TLL1: variants seen among roughly 807,000 people sequenced by gnomAD.
TLL1 encodes tolloid like 1, also known as tolloid-like protein 1.
TLL1 carries 49 observed loss-of-function variants against 128.2 expected under a neutral mutation model. That is an observed-to-expected ratio of 0.38 (90% CI 0.30 to 0.48). TLL1 has a LOEUF of 0.48. Among genes scored for constraint, TLL1 ranks in the 20% least tolerant of loss-of-function variants. The pLI is 0.96. For synonymous variants in TLL1, 454 were observed against 418.8 expected (o/e 1.08, Z -1.03); for missense variants, 1,123 against 1,242.0 (o/e 0.90, Z 1.44).
Position 165,992,843 on chromosome 4 carries a change from C to T in TLL1, c.320C>T (p.Ala107Val), listed in dbSNP as rs776299665. 3 of 1,613,296 alleles carry T rather than the reference C, an allele frequency of 1.9e-6. No homozygotes were observed. The Admixed American group carries it at 5.0e-5, about 27-fold the overall frequency. ...GDHAMSKKRG[A>V]LYQLIDRIRR... ...CATGCTATGTCAAAGAAGCGAGGGG[C>T]CCTCTACCAACTTATAGACAGGATA... The change falls in exon 3 of 21, where the codon GCC (alanine) becomes GTC (valine). Residue 107 changes from alanine to valine, a missense_variant. Coordinates refer to ENST00000061240, the MANE Select transcript of TLL1 (RefSeq NM_012464.5).
intron 14 of TLL1, among the ~76,000 whole-genome samples, chr4:166,059,164 G>T (rs1579687851): frequency 6.6e-6 from 1 of 151,786 alleles, no homozygotes; most frequent in African/African-American, 2.4e-5. Context: ...ACTACAGGTA[G>T]TGTTTGTATA....
At chr4:165,932,194 C>G (rs535469413) in intron 1 of TLL1, among the ~76,000 whole-genome samples, 1 of 152,126 alleles carries the variant, frequency 6.6e-6, no homozygotes. Flanking sequence ...TCCACACTTA[C>G]GAGATTCACC....
chr4:166,075,422 C>G (rs569860263), intron 17 of TLL1, among the ~76,000 whole-genome samples: 1 of 152,004 alleles, frequency 6.6e-6, no homozygotes, highest in Non-Finnish European at 1.5e-5. Context: ...CTTTAAATAC[C>G]AGGAGCATCA....
At chr4:166,037,404 T>A (rs1167784701) in intron 9 of TLL1, among the ~76,000 whole-genome samples, 2 of 152,142 alleles carry the variant, frequency 1.3e-5, no homozygotes, top group East Asian at 3.9e-4. Context: ...ATTTTGAAAA[T>A]TTTTGTAAAC....
chr4:166,018,692 CAT>C (rs1401004376), intron 8 of TLL1, among the ~76,000 whole-genome samples: 1 of 152,016 alleles, frequency 6.6e-6, no homozygotes, highest in East Asian at 1.9e-4. Flanking sequence ...AGCCAACAAA[CAT>C]ATGAAAAAAT....
intron 1 of TLL1, among the ~76,000 whole-genome samples, chr4:165,896,528 A>G (rs528116034): frequency 1.6e-4 from 22 of 138,874 alleles, no homozygotes; most frequent in Admixed American, 5.6e-4. Flanking sequence ...TGTCACCCAG[A>G]CTGGAGTGCA....
chr4:166,081,668 G>A (rs999509293), intron 18 of TLL1, among the ~76,000 whole-genome samples: 1 of 151,814 alleles, frequency 6.6e-6, no homozygotes, highest in African/African-American at 2.4e-5. Flanking sequence ...ATCTTTCCTT[G>A]GAAGGACCTG....
rs1560872853 is a variant in TLL1 at position 166,100,885 on chromosome 4, CCT to C, written c.*12_*13del. The C allele has an allele frequency of 5.0e-6, 8 of 1,612,058 alleles. No individual in the cohort carries two copies. Among genetic ancestry groups the C allele is most frequent in the Non-Finnish European group, 6.8e-6 (8 of 1,178,958 alleles). On this transcript the variant is annotated 3_prime_UTR_variant, in exon 21 of 21. Coordinates refer to ENST00000061240, the MANE Select transcript of TLL1 (RefSeq NM_012464.5). Reference sequence around the variant, plus strand: ...CACATACCAAAAAATAACACCAAAACCTCTGTCAGAACACAAAGGAATGTGCA... The same window carrying C: ...CACATACCAAAAAATAACACCAAAACCTGTCAGAACACAAAGGAATGTGCA...
chr4:165,950,243 T>C (rs1734447690), intron 1 of TLL1, among the ~76,000 whole-genome samples: 1 of 152,168 alleles, frequency 6.6e-6, no homozygotes, highest in African/African-American at 2.4e-5. Flanking sequence ...TTTTTGTTTG[T>C]TGTTTTATTT....
intron 1 of TLL1, among the ~76,000 whole-genome samples, chr4:165,958,238 G>A (rs1181946940): frequency 1.4e-5 from 2 of 143,132 alleles, no homozygotes; most frequent in Non-Finnish European, 3.0e-5. Context: ...TAATGGGATG[G>A]CTGGGTCAAA....
chr4:166,070,986 A>T (rs184819665), intron 16 of TLL1, among the ~76,000 whole-genome samples: 169 of 152,052 alleles, frequency 1.1e-3, no homozygotes, highest in Non-Finnish European at 1.9e-3. Flanking sequence ...ATAGAAAGAG[A>T]AAATTGTCTC....
In TLL1 at chr4:166,057,191, TGA is replaced by T; in HGVS notation, c.1730_1731del (p.Glu577ValfsTer5). ...CTATGACCATTTTCATAGAGGAAGATGAGTGTGCCAAACCTGACCGTGGAGGC... is the reference window on the plus strand; with the variant it reads ...CTATGACCATTTTCATAGAGGAAGATGTGTGCCAAACCTGACCGTGGAGGC... ...FAANFFKEED[E>X]CAKPDRGGCE... On this transcript the variant is annotated frameshift_variant, in exon 14 of 21. Coordinates refer to ENST00000061240, the MANE Select transcript of TLL1 (RefSeq NM_012464.5). LOFTEE classifies it high-confidence loss of function. The T allele has an allele frequency of 6.2e-7, 1 of 1,613,848 alleles. No individual in the cohort carries two copies. The highest frequency in any genetic ancestry group is 1.1e-5 in the South Asian group (1 of 91,068).
intron 16 of TLL1, among the ~76,000 whole-genome samples, chr4:166,069,193 CA>C (rs1426423291): frequency 6.6e-6 from 1 of 151,380 alleles, no homozygotes; most frequent in East Asian, 1.9e-4. Flanking sequence ...GTTAAATTCC[CA>C]AAAATTTTAT....
chr4:165,917,134 A>G (rs1450113541), intron 1 of TLL1, among the ~76,000 whole-genome samples: 1 of 152,126 alleles, frequency 6.6e-6, no homozygotes, highest in African/African-American at 2.4e-5. Flanking sequence ...TCTTCCTTTG[A>G]AAGTTCAGAA....
chr4:165,941,025 A>G (rs1166808962), intron 1 of TLL1, among the ~76,000 whole-genome samples: 2 of 151,952 alleles, frequency 1.3e-5, no homozygotes, highest in Non-Finnish European at 2.9e-5. Flanking sequence ...TATATCAGAG[A>G]TTTTATGATC....
At chr4:166,094,470 T>G (rs1229347752) in intron 19 of TLL1, among the ~76,000 whole-genome samples, 1 of 143,138 alleles carries the variant, frequency 7.0e-6, no homozygotes, top group East Asian at 2.1e-4. Context: ...TTTATTTCCC[T>G]GTTTCATTCA....
intron 7 of TLL1, among the ~76,000 whole-genome samples, chr4:166,012,337 G>A (rs1737734549): frequency 6.6e-6 from 1 of 151,444 alleles, no homozygotes. Flanking sequence ...CAAAAAAGAA[G>A]AAAAGCATGA....
intron 1 of TLL1, among the ~76,000 whole-genome samples, chr4:165,980,293 G>T (rs1398893616): frequency 1.3e-5 from 2 of 152,044 alleles, no homozygotes; most frequent in African/African-American, 2.4e-5. Flanking sequence ...ATTTCCAAGT[G>T]TAATGGATTC....
At position 166,099,323 on chromosome 4, in the gene TLL1, C is replaced by G; in HGVS notation, c.2703C>G (p.Tyr901Ter). The stretch of plus-strand genomic sequence containing the variant: ...CAGAATCAAAACCAAGAGATCTGTA[C>G]TCACATGCTCAGTTTGGTGATAACA... Reference protein sequence around the residue: ...LKAESKPRDLYSHAQFGDNNY... With the variant: ...LKAESKPRDL Residue 901 changes from tyrosine (Y) to a stop codon, truncating the protein, a stop_gained, in exon 20 of 21, where the codon TAC (tyrosine) becomes TAG (stop). Transcript: ENST00000061240. LOFTEE classifies it high-confidence loss of function. 6.2e-7 allele frequency: 1 copy of G among 1,613,530 alleles called. No individual in the cohort carries two copies. The highest frequency in any genetic ancestry group is 8.5e-7 in the Non-Finnish European group (1 of 1,179,644).
Sources: allele counts gnomAD v4.1 joint callset (sites outside exome capture counted in the v4.1 genomes callset), GRCh38; gene constraint gnomAD v4.1.1; transcripts MANE v1.5; gene names NCBI Gene and HGNC (gene_info 2026-07-23, HGNC 2026-07-21).